The following EXTL3 variants were observed in gnomAD, a reference collection of about 807,000 sequenced individuals.
EXTL3 encodes exostosin like glycosyltransferase 3.
A neutral mutation model predicts 69.3 loss-of-function variants in EXTL3; 27 were observed. The observed-to-expected ratio is 0.39, with a 90% CI of 0.29 to 0.54. The LOEUF (loss-of-function observed/expected upper bound fraction) is 0.54, where lower values mean the gene tolerates loss of function less well. Among genes scored for constraint, EXTL3 ranks in the 20% least tolerant of loss-of-function variants. EXTL3 has a pLI of 0.69. For synonymous variants in EXTL3, 511 were observed against 499.4 expected, an observed-to-expected ratio of 1.02 and a Z score of -0.31; for missense variants, 1,003 against 1,231.8, an observed-to-expected ratio of 0.81 and a Z score of 2.78.
chr8:28,717,563 G>C lies in EXTL3; in HGVS notation c.1504G>C (p.Asp502His). 6.2e-7 allele frequency: 1 copy of C among 1,614,234 alleles called. No homozygotes were observed. Among genetic ancestry groups the C allele is most frequent in the Non-Finnish European group, 8.5e-7 (1 of 1,180,038 alleles). Residue 502 changes from aspartate to histidine, a missense_variant, in exon 3 of 7, where the codon GAT (aspartate) becomes CAT (histidine). Around this residue, in one of 2 missense-constraint regions of EXTL3, gnomAD observed 742 missense variants for 815.4 expected, o/e 0.91. Transcript: ENST00000220562. The surrounding 1 kb of genome is among the most constrained non-coding windows in gnomAD (Gnocchi z 8.3). ...EVHFLLRSLS[D>H]SDLLAMRRQG... ...TCATTTCCTGCTCAGAAGCCTCTCCGATAGTGACCTCCTGGCTATGAGGCG... is the reference window on the plus strand; with the variant it reads ...TCATTTCCTGCTCAGAAGCCTCTCCCATAGTGACCTCCTGGCTATGAGGCG...
chr8:28,643,418 C>CTTTTTTTTTT (rs1395744351), intron 1 of EXTL3, among the ~76,000 whole-genome samples: 3 of 100,256 alleles, frequency 3.0e-5, no homozygotes, highest in Non-Finnish European at 4.2e-5. Flanking sequence ...CTTTTTTTTT[C>CTTTTTTTTTT]TTTTTTTCTT....
upstream of EXTL3, chr8:28,696,677 G>C (rs547822478): frequency 6.6e-6 from 1 of 151,642 alleles, no homozygotes; most frequent in Non-Finnish European, 1.5e-5. Context: ...CTCTTGCCTC[G>C]GCCTCCTGAG....
intron 1 of EXTL3, among the ~76,000 whole-genome samples, chr8:28,636,420 G>A (rs1806656980): frequency 3.3e-5 from 5 of 151,986 alleles, no homozygotes; most frequent in Admixed American, 2.0e-4. Context: ...CACCCTCAAC[G>A]GAATCTTGTC....
chr8:28,706,691 C>T (rs537082332), intron 1 of EXTL3, among the ~76,000 whole-genome samples: 1 of 152,260 alleles, frequency 6.6e-6, no homozygotes, highest in South Asian at 2.1e-4. Flanking sequence ...TTTCTTTGAT[C>T]GCTAGGAAGG....
intron 1 of EXTL3, among the ~76,000 whole-genome samples, chr8:28,626,308 G>A (rs1403120454): frequency 6.6e-6 from 1 of 152,136 alleles, no homozygotes; most frequent in Non-Finnish European, 1.5e-5. Context: ...GTAAAGGCAG[G>A]GGGAGCCACT....
chr8:28,661,687 C>T (rs192026917), intron 1 of EXTL3, among the ~76,000 whole-genome samples: 1 of 151,684 alleles, frequency 6.6e-6, no homozygotes, highest in Non-Finnish European at 1.5e-5. Flanking sequence ...CCAGACCAGC[C>T]TGGCCAACAT....
chr8:28,708,949 A>AAT (rs952777357), intron 1 of EXTL3, among the ~76,000 whole-genome samples: 69 of 152,340 alleles, frequency 4.5e-4, no homozygotes, highest in African/African-American at 1.6e-3. Context: ...GAGGAATATT[A>AAT]TGTGTGTCAA....
In EXTL3 at chr8:28,641,740, G is replaced by A. The variant is rs184470092; in HGVS notation, c.-53+18930G>A. The stretch of plus-strand genomic sequence containing the variant: ...CACCCCCTCCCCGACCCCCTCCGCC[G>A]CGTGGCCTCCCAAAGTACTGGGATT... On this transcript the variant is annotated intron_variant, in intron 1 of 6. Transcript: ENST00000523149. 1.7e-3 allele frequency among the ~76,000 whole-genome samples: 261 copies of A among 149,616 alleles called. 4 individuals are homozygous for A. Among genetic ancestry groups the A allele is most frequent in the African/African-American group, 5.4e-3 (223 of 41,160 alleles).
At chr8:28,738,468 C>T (rs1004264130) in intron 5 of EXTL3, among the ~76,000 whole-genome samples, 1 of 152,166 alleles carries the variant, frequency 6.6e-6, no homozygotes, top group Admixed American at 6.5e-5. Flanking sequence ...TTTACTGTCT[C>T]TTTTTACTTT....
At chr8:28,729,784 G>T (rs1354500917) in intron 3 of EXTL3, among the ~76,000 whole-genome samples, 1 of 151,596 alleles carries the variant, frequency 6.6e-6, no homozygotes, top group African/African-American at 2.4e-5. Flanking sequence ...AGGATCTCTT[G>T]AGCTCAGGAG....
At chr8:28,615,869 C>T (rs926237156) in intron 2 of EXTL3, among the ~76,000 whole-genome samples, 4 of 152,030 alleles carry the variant, frequency 2.6e-5, no homozygotes, top group Admixed American at 1.3e-4. Flanking sequence ...CCACCATGTC[C>T]GGCCTGCAGC....
chr8:28,622,660 C>G (rs1453343062), upstream of EXTL3: 1 of 147,142 alleles, frequency 6.8e-6, no homozygotes, highest in African/African-American at 2.6e-5. Flanking sequence ...GTGGGTGGGA[C>G]CGGGAGCCGG....
At chr8:28,627,061 A>G (rs1474276408) in intron 1 of EXTL3, among the ~76,000 whole-genome samples, 2 of 152,038 alleles carry the variant, frequency 1.3e-5, no homozygotes, top group Admixed American at 1.3e-4. Context: ...GGGCGCCTGT[A>G]GTCCCAGCTA....
At chr8:28,677,624 G>C (rs1287062100) in intron 1 of EXTL3, among the ~76,000 whole-genome samples, 1 of 152,212 alleles carries the variant, frequency 6.6e-6, no homozygotes, top group African/African-American at 2.4e-5. Context: ...TGCAATCATT[G>C]TGAAGCACAA....
intron 1 of EXTL3, among the ~76,000 whole-genome samples, chr8:28,647,415 C>T: frequency 6.6e-6 from 1 of 152,166 alleles, no homozygotes; most frequent in East Asian, 1.9e-4. Flanking sequence ...GTGACAGCCA[C>T]TGTGTGGAAT....
chr8:28,742,031 A>G (rs567677919), intron 5 of EXTL3: 9 of 152,300 alleles, frequency 5.9e-5, no homozygotes, highest in South Asian at 4.1e-4. Context: ...GCTGATTTCT[A>G]TGGTATAAAT....
intron 1 of EXTL3, among the ~76,000 whole-genome samples, chr8:28,624,479 C>CAA (rs2130548108): frequency 6.6e-6 from 1 of 152,284 alleles, no homozygotes; most frequent in East Asian, 1.9e-4. Context: ...GGGAGGATCA[C>CAA]TTGATCCTGG....
At chr8:28,667,554 T>G (rs1807215949) in intron 1 of EXTL3, among the ~76,000 whole-genome samples, 1 of 152,192 alleles carries the variant, frequency 6.6e-6, no homozygotes, top group Non-Finnish European at 1.5e-5. Flanking sequence ...TTGGTGAGGT[T>G]TCCTTAAAGC....
chr8:28,635,327 G>C (rs1362116563), intron 1 of EXTL3, among the ~76,000 whole-genome samples: 1 of 150,792 alleles, frequency 6.6e-6, no homozygotes, highest in African/African-American at 2.4e-5. Context: ...GGAGGCTGAG[G>C]CATGAGGATC....
Sources: gnomAD v4.1 joint callset for allele counts (sites outside exome capture counted in the v4.1 genomes callset) on GRCh38, gnomAD v4.1.1 for gene constraint, gnomAD v4.1.1 regional missense constraint, Gnocchi (gnomAD v3.1) non-coding constraint, MANE v1.5 for transcripts, NCBI Gene and HGNC (gene_info 2026-07-23, HGNC 2026-07-21) for gene names.